RFC3: variants seen among roughly 807,000 people sequenced by gnomAD.
RFC3 encodes the protein replication factor C subunit 3, also known as A1 38 kDa subunit.
A neutral mutation model predicts 45.1 loss-of-function variants in RFC3; 41 were observed. The ratio of observed to expected loss-of-function variants is 0.91; its 90% confidence interval spans 0.71 to 1.18. The LOEUF is 1.18. Ranked by LOEUF, RFC3 falls within the 50% of genes most tolerant of loss-of-function variation. RFC3 has a pLI of 0.00. For synonymous variants in RFC3, 149 were observed against 144.0 expected, an observed-to-expected ratio of 1.03 and a Z score of -0.25; for missense variants, 423 against 428.1, an observed-to-expected ratio of 0.99 and a Z score of 0.10.
At chr13:33,972,517 G>T in the RFC3 span, among the ~76,000 whole-genome samples, 1 of 152,174 alleles carries the variant, frequency 6.6e-6, no homozygotes, top group Non-Finnish European at 1.5e-5. Flanking sequence ...ATTTTACCAA[G>T]TATTTTTATC....
At position 33,836,256 on chromosome 13, in the gene RFC3, G is replaced by A. The variant is rs1172343040; in HGVS notation, c.1032G>A (p.Lys344=). ...AFVAKFMALY[K]KFMEDGLEGM... ...TGGCCAAATTCATGGCACTTTATAA[G>A]AAGTTCATGGAGGATGGATTGGAAG... Residue 344 remains lysine, a synonymous_variant, in exon 9 of 9, where the codon AAG becomes AAA. Coordinates refer to ENST00000380071, the MANE Select transcript of RFC3 (RefSeq NM_002915.4). The A allele has an allele frequency of 3.7e-6, 6 of 1,613,360 alleles. No individual in the cohort carries two copies. Among genetic ancestry groups the A allele is most frequent in the Non-Finnish European group, 5.1e-6 (6 of 1,179,428 alleles).
At chr13:33,872,703 A>T (rs1196139654) in intron 8 of RFC3, among the ~76,000 whole-genome samples, 2 of 151,512 alleles carry the variant, frequency 1.3e-5, no homozygotes, top group African/African-American at 4.8e-5. Context: ...ACTGTACTCC[A>T]GGCTGGGCAA....
At chr13:33,841,010 C>T (rs571471701), downstream of RFC3, among the ~76,000 whole-genome samples, 20 of 152,304 alleles carry the variant, frequency 1.3e-4, no homozygotes, top group African/African-American at 4.8e-4. Context: ...GGCCACACAG[C>T]AGGAGGTGAG....
chr13:33,968,921 A>G (rs909887351), downstream of RFC3, among the ~76,000 whole-genome samples: 4 of 152,220 alleles, frequency 2.6e-5, no homozygotes. Context: ...CTGAGATTTC[A>G]TCTGAATACT....
intron 8 of RFC3, among the ~76,000 whole-genome samples, chr13:33,925,502 A>G (rs2082803473): frequency 7.1e-6 from 1 of 141,308 alleles, no homozygotes. Context: ...TGTACTATAT[A>G]CATACATACA....
chr13:33,827,282 A>ATATC (rs2082058831), intron 4 of RFC3, among the ~76,000 whole-genome samples: 1 of 152,088 alleles, frequency 6.6e-6, no homozygotes, highest in Non-Finnish European at 1.5e-5. Flanking sequence ...GAGCGAGACT[A>ATATC]TATCTCCAAA....
At chr13:33,914,776 GA>G (rs1337145369) in intron 8 of RFC3, among the ~76,000 whole-genome samples, 1 of 152,024 alleles carries the variant, frequency 6.6e-6, no homozygotes, top group Non-Finnish European at 1.5e-5. Flanking sequence ...AGTCTTCTTA[GA>G]AATCTGAACA....
chr13:33,872,802 C>CCG (rs1555235500), intron 8 of RFC3, among the ~76,000 whole-genome samples: 33 of 133,338 alleles, frequency 2.5e-4, no homozygotes, highest in Admixed American at 1.1e-3. Context: ...ACCCCCCCCC[C>CCG]CAAAATACAT....
rs9563942 is a variant in RFC3 at position 33,944,185 on chromosome 13, T to A, written c.880-21902T>A. Among the ~76,000 whole-genome samples the A allele has an allele frequency of 4.7e-4, 71 of 152,332 alleles. No individual in the cohort carries two copies. In the East Asian group the frequency reaches 0.011, roughly 24 times the overall value. On this transcript the variant is annotated intron_variant, in intron 8 of 8. Transcript: ENST00000434425. The stretch of plus-strand genomic sequence containing the variant: ...GTGTCCTCTATTCATTTGGTTGTTA[T>A]GAACTCTCTATATAAACTACCCTTC...
chr13:33,883,853 G>T (rs2082502219), intron 8 of RFC3, among the ~76,000 whole-genome samples: 1 of 152,066 alleles, frequency 6.6e-6, no homozygotes, highest in Non-Finnish European at 1.5e-5. Flanking sequence ...TAATACCTGG[G>T]TGATGAAATA....
intron 8 of RFC3, among the ~76,000 whole-genome samples, chr13:33,943,461 C>T (rs2082936662): frequency 6.6e-6 from 1 of 152,098 alleles, no homozygotes; most frequent in Non-Finnish European, 1.5e-5. Context: ...CAAGGTTTCA[C>T]AAAGCTGTCT....
At chr13:33,885,081 G>A (rs1020101157) in intron 8 of RFC3, among the ~76,000 whole-genome samples, 8 of 152,134 alleles carry the variant, frequency 5.3e-5, no homozygotes, top group African/African-American at 1.9e-4. Flanking sequence ...CCACCTTTGA[G>A]CCTATAATGA....
chr13:33,827,006 T>C (rs2082055701), intron 4 of RFC3, among the ~76,000 whole-genome samples: 1 of 152,236 alleles, frequency 6.6e-6, no homozygotes, highest in African/African-American at 2.4e-5. Flanking sequence ...TCCTATTTTA[T>C]TGAGTGTCTT....
At chr13:33,899,204 C>CAAAAAAAA (rs59221382) in intron 8 of RFC3, among the ~76,000 whole-genome samples, 673 of 52,046 alleles carry the variant, frequency 0.013, 3 homozygotes, top group African/African-American at 0.014. Context: ...CACAATAAGA[C>CAAAAAAAA]AAAAAAAAAA....
At position 33,830,022 on chromosome 13, in the gene RFC3, G is replaced by T; in HGVS notation, c.573+5G>T. ...CCTGCTCCCAGCATTGAAGATGTAG[G>T]TCAAGTTACACTTTTCTGAAAAATA... On this transcript the variant is annotated splice_donor_5th_base_variant and intron_variant, in intron 5 of 8. Transcript: ENST00000380071. 1 of 1,611,728 alleles carries T rather than the reference G, an allele frequency of 6.2e-7. No homozygotes were observed. Among genetic ancestry groups the T allele is most frequent in the Non-Finnish European group, 8.5e-7 (1 of 1,178,334 alleles).
chr13:33,922,143 T>C (rs569819272), intron 8 of RFC3, among the ~76,000 whole-genome samples: 1 of 141,950 alleles, frequency 7.0e-6, no homozygotes, highest in South Asian at 2.1e-4. Context: ...AAGCCTCAGC[T>C]TCATTGCTTT....
intron 8 of RFC3, among the ~76,000 whole-genome samples, chr13:33,942,094 T>C (rs1057267069): frequency 6.6e-6 from 1 of 152,142 alleles, no homozygotes; most frequent in Non-Finnish European, 1.5e-5. Context: ...AATTCTCTTA[T>C]CTTTTTTTGT....
At chr13:33,822,053 G>A (rs1416087012) in intron 2 of RFC3, among the ~76,000 whole-genome samples, 1 of 152,190 alleles carries the variant, frequency 6.6e-6, no homozygotes, top group African/African-American at 2.4e-5. Flanking sequence ...ATCATATGCT[G>A]AGTGTGGATG....
chr13:33,830,299 A>G (rs1593614440), intron 5 of RFC3, among the ~76,000 whole-genome samples: 1 of 152,286 alleles, frequency 6.6e-6, no homozygotes, highest in East Asian at 1.9e-4. Context: ...TTCTTTCTCA[A>G]GCTGATTTAG....
Sources: allele counts gnomAD v4.1 joint callset (sites outside exome capture counted in the v4.1 genomes callset), GRCh38; gene constraint gnomAD v4.1.1; transcripts MANE v1.5; gene names NCBI Gene and HGNC (gene_info 2026-07-23, HGNC 2026-07-21).